NELL2: variants seen among roughly 807,000 people sequenced by gnomAD.
The protein encoded by NELL2 is neural EGFL like 2, also known as protein kinase C-binding protein NELL2.
In NELL2, 41 loss-of-function variants were observed where a neutral mutation model predicts 109.6. That is an observed-to-expected ratio of 0.37 (90% CI 0.29 to 0.49). The LOEUF is 0.49. NELL2 is among the 20% of genes least tolerant of loss of function. The probability of loss-of-function intolerance (pLI) is 0.98; values close to 1 mark genes in which losing one functional copy is unlikely to be tolerated. For synonymous variants in NELL2, 355 were observed against 344.7 expected (o/e 1.03, Z -0.33); for missense variants, 900 against 1,008.3 (o/e 0.89, Z 1.45).
chr12:44,697,512 A>G (rs1382384315), intron 12 of NELL2, among the ~76,000 whole-genome samples: 3 of 152,176 alleles, frequency 2.0e-5, no homozygotes, highest in Non-Finnish European at 4.4e-5. Flanking sequence ...TCAGGAATAT[A>G]TATATTTTTT....
intron 13 of NELL2, among the ~76,000 whole-genome samples, chr12:44,650,753 GTCTTTCTT>G (rs34696718): frequency 0.51 from 77,360 of 150,376 alleles, 19,905 homozygotes; most frequent in East Asian, 0.73. Context: ...AGAGGTCTCT[GTCTTTCTT>G]TCTTTCTTTC....
At chr12:44,874,964 C>A in intron 2 of NELL2, 1 of 360,696 alleles carries the variant, frequency 2.8e-6, no homozygotes, top group Non-Finnish European at 5.0e-6. Context: ...CAACCATCTG[C>A]CATAGGAGTT....
intron 2 of NELL2, among the ~76,000 whole-genome samples, chr12:44,848,326 C>T (rs963533480): frequency 6.6e-5 from 10 of 152,154 alleles, no homozygotes; most frequent in African/African-American, 2.2e-4. Context: ...TAGCACCAGA[C>T]TCCCCAGGGT....
At chr12:44,572,807 C>G (rs542443276) in intron 15 of NELL2, among the ~76,000 whole-genome samples, 1 of 152,296 alleles carries the variant, frequency 6.6e-6, no homozygotes, top group Non-Finnish European at 1.5e-5. Flanking sequence ...CAGCAACTTG[C>G]AGATATGTGA....
At chr12:44,755,398 A>G (rs895915390) in intron 9 of NELL2, among the ~76,000 whole-genome samples, 1 of 152,028 alleles carries the variant, frequency 6.6e-6, no homozygotes, top group Non-Finnish European at 1.5e-5. Flanking sequence ...ACATTCATAG[A>G]CACTCCCCTT....
At position 44,644,649 on chromosome 12, in the gene NELL2, T is replaced by C. The variant is rs34102570; in HGVS notation, c.1444+20835A>G. On this transcript the variant is annotated intron_variant, in intron 13 of 19. Transcript: ENST00000429094. ...ATACATACATATATATATATATATA[T>C]ACACACACACAACACTGCATACTCA... Among the ~76,000 whole-genome samples, 436 of 129,432 alleles carry C rather than the reference T, an allele frequency of 3.4e-3. 2 individuals carry two copies. Among genetic ancestry groups the C allele is most frequent in the African/African-American group, 8.4e-3 (303 of 36,050 alleles). The allele number at this position is 129,432 out of a possible 152,430, so 84.9% of individuals were successfully genotyped here.
chr12:44,791,224 A>ATATATATATATATC (rs1439301860), intron 3 of NELL2, among the ~76,000 whole-genome samples: 18 of 95,120 alleles, frequency 1.9e-4, no homozygotes, highest in Non-Finnish European at 2.6e-4. Context: ...ATATATATAT[A>ATATATATATATATC]TATGATGGAA....
In NELL2 at chr12:44,523,312, C is replaced by A. The variant is rs1299450593; in HGVS notation, c.1977G>T (p.Arg659Ser). Reference protein sequence around the residue: ...NGQIWVLENDRCSVCSCQNGF... With the variant: ...NGQIWVLENDSCSVCSCQNGF... ...CAACCTGACATGAGCACACAGAGCA[C>A]CTGTCATTTTCCAACACCCAAATCT... The change falls in exon 17 of 20, where the codon AGG becomes AGT. Residue 659 changes from arginine to serine, a missense_variant. Arg to Ser is a moderately radical substitution (Grantham distance 110). Around this residue, in one of 4 missense-constraint regions of NELL2, gnomAD observed 333 missense variants for 432.3 expected, o/e 0.77. Coordinates refer to ENST00000429094, the MANE Select transcript of NELL2 (RefSeq NM_001145108.2). 1.2e-6 allele frequency: 2 copies of A among 1,614,098 alleles called. No homozygotes were observed. The highest frequency in any genetic ancestry group is 1.7e-6 in the Non-Finnish European group (2 of 1,179,994).
At chr12:44,571,678 C>T (rs1943876374) in intron 15 of NELL2, among the ~76,000 whole-genome samples, 1 of 152,072 alleles carries the variant, frequency 6.6e-6, no homozygotes, top group South Asian at 2.1e-4. Context: ...ATTGAAACAC[C>T]AAAATGAGTT....
chr12:44,799,633 T>C (rs896535595), intron 3 of NELL2, among the ~76,000 whole-genome samples: 2 of 152,122 alleles, frequency 1.3e-5, no homozygotes, highest in Middle Eastern at 3.2e-3. Context: ...TACAGATCAG[T>C]ATATTAGAGA....
chr12:44,766,493 T>G (rs1374248647), intron 9 of NELL2, among the ~76,000 whole-genome samples: 1 of 152,220 alleles, frequency 6.6e-6, no homozygotes, highest in Admixed American at 6.5e-5. Flanking sequence ...TCTTGCCTAT[T>G]CTTACTTCAA....
At chr12:44,698,022 A>T (rs1211341320) in intron 12 of NELL2, among the ~76,000 whole-genome samples, 1 of 152,026 alleles carries the variant, frequency 6.6e-6, no homozygotes, top group Non-Finnish European at 1.5e-5. Flanking sequence ...CATCATCCTG[A>T]TCTCTGTCTT....
intron 16 of NELL2, among the ~76,000 whole-genome samples, chr12:44,525,846 T>G (rs1941743574): frequency 6.6e-6 from 1 of 152,188 alleles, no homozygotes; most frequent in Non-Finnish European, 1.5e-5. Flanking sequence ...TTCCTGGTTC[T>G]TTTTTTGTCT....
chr12:44,816,621 G>A (rs879488154), intron 2 of NELL2, among the ~76,000 whole-genome samples: 8 of 152,134 alleles, frequency 5.3e-5, no homozygotes, highest in Non-Finnish European at 8.8e-5. Context: ...TCAGCCAGAA[G>A]GTTTGCTATA....
At chr12:44,711,687 C>G (rs894108090) in intron 10 of NELL2, among the ~76,000 whole-genome samples, 3 of 151,952 alleles carry the variant, frequency 2.0e-5, no homozygotes, top group African/African-American at 7.2e-5. Context: ...AGTTTTACAA[C>G]ACATTTTGCA....
At chr12:44,613,899 C>A (rs771014501) in intron 13 of NELL2, among the ~76,000 whole-genome samples, 1 of 152,182 alleles carries the variant, frequency 6.6e-6, no homozygotes, top group Non-Finnish European at 1.5e-5. Context: ...CATCAAATCA[C>A]TAGTTCGCCT....
At chr12:44,556,881 A>G (rs1016761101) in intron 15 of NELL2, among the ~76,000 whole-genome samples, 7 of 152,186 alleles carry the variant, frequency 4.6e-5, no homozygotes, top group African/African-American at 1.2e-4. Flanking sequence ...GAGTGATTCA[A>G]TGTGGCAGGT....
At chr12:44,807,901 A>G (rs1222172678) in intron 3 of NELL2, among the ~76,000 whole-genome samples, 2 of 152,040 alleles carry the variant, frequency 1.3e-5, no homozygotes, top group East Asian at 3.9e-4. Context: ...AAAAACCAAA[A>G]TTCCAGTACT....
intron 13 of NELL2, among the ~76,000 whole-genome samples, chr12:44,625,193 T>A (rs1289003738): frequency 6.6e-6 from 1 of 151,972 alleles, no homozygotes; most frequent in South Asian, 2.1e-4. Flanking sequence ...CTTAGACTGC[T>A]GTGCATTCCT....
Sources: gnomAD v4.1 joint callset for allele counts (sites outside exome capture counted in the v4.1 genomes callset) on GRCh38, gnomAD v4.1.1 for gene constraint, gnomAD v4.1.1 regional missense constraint, MANE v1.5 for transcripts, NCBI Gene and HGNC (gene_info 2026-07-23, HGNC 2026-07-21) for gene names.